Variants in COPG2 observed in about 807,000 individuals in gnomAD.
COPG2 encodes coat protein complex I subunit gamma 2.
In COPG2, 37 loss-of-function variants were observed where a neutral mutation model predicts 46.3. That is an observed-to-expected ratio of 0.80 (90% CI 0.61 to 1.05). The LOEUF (loss-of-function observed/expected upper bound fraction) is 1.05. Ranked by LOEUF, COPG2 falls within the 50% of genes least tolerant of loss-of-function variation. The pLI is 0.00. For synonymous variants in COPG2, 159 were observed against 129.7 expected (o/e 1.23, Z -1.53); for missense variants, 427 against 387.8 (o/e 1.10, Z -0.85).
chr7:130,511,042 A>G, intron 20 of COPG2: 1 of 509,870 alleles, frequency 2.0e-6, no homozygotes, highest in South Asian at 1.4e-5. Context: ...CACTAAGGAG[A>G]TTTGTATGAA....
At chr7:130,664,250 A>T (rs1796032582) in intron 3 of COPG2, among the ~76,000 whole-genome samples, 1 of 152,226 alleles carries the variant, frequency 6.6e-6, no homozygotes, top group South Asian at 2.1e-4. Flanking sequence ...ATTCCACATA[A>T]AATATAACTA....
At chr7:130,648,378 C>T (rs1795661458) in intron 5 of COPG2, among the ~76,000 whole-genome samples, 1 of 152,064 alleles carries the variant, frequency 6.6e-6, no homozygotes. Flanking sequence ...ATTCATTCAC[C>T]CCCTTCCAAG....
In COPG2 at chr7:130,666,851, G is replaced by A; in HGVS notation, c.169C>T (p.Gln57Ter). ...TGAGGAAAATAAAAATAATATACCT[G>A]GTTCAGTAAGTAAAGAATCTTTGTA... Reference protein sequence around the residue: ...ILTKILYLLNQGEHFGTTEAT... With the variant: ...ILTKILYLLN The change falls in exon 3 of 24, where the codon CAG (glutamine) becomes TAG (stop). Residue 57 changes from glutamine (Q) to a stop codon, truncating the protein, a stop_gained and splice_region_variant. Coordinates refer to ENST00000425248, the MANE Select transcript of COPG2 (RefSeq NM_012133.6). LOFTEE classifies it high-confidence loss of function. The A allele has an allele frequency of 1.4e-6, 2 of 1,406,828 alleles. No homozygotes were observed. Among genetic ancestry groups the A allele is most frequent in the Non-Finnish European group, 2.0e-6 (2 of 1,006,176 alleles). 87.1% of individuals were successfully genotyped at this position (1,406,828 alleles called of 1,614,324 possible). A position where few individuals can be genotyped will look rare whatever the true frequency, so the allele number is the denominator to read the frequency against.
chr7:130,593,649 A>C (rs553096953), intron 9 of COPG2, among the ~76,000 whole-genome samples: 17 of 152,352 alleles, frequency 1.1e-4, no homozygotes, highest in African/African-American at 3.8e-4. Context: ...TAACAAAGCT[A>C]ATATTGCACA....
chr7:130,658,042 G>C (rs528467810), intron 4 of COPG2, among the ~76,000 whole-genome samples: 13 of 152,072 alleles, frequency 8.5e-5, no homozygotes, highest in African/African-American at 2.9e-4. Flanking sequence ...CCACTCCCAG[G>C]CATTTATCCA....
Position 130,617,020 on chromosome 7 carries a change from C to T in COPG2, c.369G>A (p.Pro123=), listed in dbSNP as rs781891963. ...MTGKEDVYRG[P]AIRALCRITD... ...TGATCCTGCAGAGAGCTCTGATGGC[C>T]GGGCCTCGGTATACATCTTCTTTTC... Residue 123 remains proline, a synonymous_variant, in exon 6 of 24, where the codon CCG becomes CCA. Transcript: ENST00000425248. The T allele has an allele frequency of 2.4e-5, 39 of 1,611,098 alleles. No homozygotes were observed. The highest frequency in any genetic ancestry group is 1.8e-4 in the East Asian group (8 of 44,726).
At chr7:130,541,329 C>G (rs1299590398) in intron 20 of COPG2, among the ~76,000 whole-genome samples, 1 of 151,696 alleles carries the variant, frequency 6.6e-6, no homozygotes, top group African/African-American at 2.4e-5. Context: ...AGCAGGGGAT[C>G]TGTTGTCACG....
chr7:130,595,974 C>G (rs1188938131), intron 9 of COPG2, among the ~76,000 whole-genome samples: 1 of 152,222 alleles, frequency 6.6e-6, no homozygotes, highest in Non-Finnish European at 1.5e-5. Context: ...CCTGACTCCC[C>G]TCAGCCGTAG....
intron 4 of COPG2, among the ~76,000 whole-genome samples, chr7:130,656,901 C>T (rs1554459993): frequency 6.6e-6 from 1 of 150,976 alleles, no homozygotes; most frequent in African/African-American, 2.4e-5. Flanking sequence ...AATGCAAGCC[C>T]CACCAAAGTT....
intron 9 of COPG2, among the ~76,000 whole-genome samples, chr7:130,577,999 G>C (rs1295898608): frequency 6.6e-6 from 1 of 152,244 alleles, no homozygotes; most frequent in African/African-American, 2.4e-5. Context: ...GCCCACCACA[G>C]CTCAAGGAGG....
At chr7:130,576,006 A>G (rs1554446182) in intron 9 of COPG2, among the ~76,000 whole-genome samples, 2 of 152,262 alleles carry the variant, frequency 1.3e-5, no homozygotes, top group Admixed American at 6.5e-5. Context: ...GCCCTTGTCC[A>G]ACAGGAAAAT....
At position 130,537,941 on chromosome 7, in the gene COPG2, A is replaced by G. The variant is rs891448803; in HGVS notation, c.2149+9733T>C. Among the ~76,000 whole-genome samples, 256 of 150,026 alleles carry G rather than the reference A, an allele frequency of 1.7e-3. 6 individuals are homozygous for G. In the South Asian group the frequency reaches 0.035, roughly 20 times the overall value. On this transcript the variant is annotated intron_variant, in intron 20 of 23. Transcript: ENST00000425248. ...CAATAAAGGGCATGGCGAGACGATG[A>G]AAGGCCAGAGGACACAACAGAGAGA...
chr7:130,663,730 C>CT lies in COPG2; in HGVS notation c.172-693dup, dbSNP rs71178602. ...AAGCCTGAGATTTTGCATTTCTTTT[C>CT]TTTTTTTTTTTTTTTTTTTTTTTTT... On this transcript the variant is annotated intron_variant, in intron 3 of 23. Coordinates refer to ENST00000425248, the MANE Select transcript of COPG2 (RefSeq NM_012133.6). 7.6e-3 allele frequency among the ~76,000 whole-genome samples: 513 copies of CT among 67,168 alleles called. 42 individuals are homozygous for CT. The highest frequency in any genetic ancestry group is 0.014 in the African/African-American group (226 of 16,608). The allele number at this position is 67,168 out of a possible 152,430, so 44.1% of individuals were successfully genotyped here.
At chr7:130,624,401 G>A (rs192876253) in intron 5 of COPG2, among the ~76,000 whole-genome samples, 2 of 152,194 alleles carry the variant, frequency 1.3e-5, no homozygotes, top group East Asian at 1.9e-4. Flanking sequence ...CTGTTTCTAT[G>A]AAGACTATTG....
chr7:130,655,921 A>T (rs6962200), intron 4 of COPG2, among the ~76,000 whole-genome samples: 95,197 of 152,060 alleles, frequency 0.63, 33,137 homozygotes, highest in Non-Finnish European at 0.78. Flanking sequence ...ATAAATGGCA[A>T]TTTATCTAGT....
intron 20 of COPG2, among the ~76,000 whole-genome samples, chr7:130,527,104 C>T (rs1799782031): frequency 6.7e-6 from 1 of 149,148 alleles, no homozygotes; most frequent in Admixed American, 6.8e-5. Context: ...GGTGGAAGTT[C>T]AAAGTAAAGA....
At chr7:130,512,881 T>C (rs1197337870) in intron 20 of COPG2, among the ~76,000 whole-genome samples, 4 of 152,084 alleles carry the variant, frequency 2.6e-5, no homozygotes, top group Non-Finnish European at 4.4e-5. Flanking sequence ...GTGACAGACA[T>C]TTCCTAGGGA....
intron 20 of COPG2, among the ~76,000 whole-genome samples, chr7:130,536,110 G>A (rs1799877168): frequency 6.6e-6 from 1 of 152,078 alleles, no homozygotes; most frequent in African/African-American, 2.4e-5. Flanking sequence ...GGCATAAAGG[G>A]TGGGGTGTGG....
At chr7:130,541,161 T>G (rs916735604) in intron 20 of COPG2, among the ~76,000 whole-genome samples, 1 of 152,164 alleles carries the variant, frequency 6.6e-6, no homozygotes, top group Non-Finnish European at 1.5e-5. Context: ...AGGACAAAGA[T>G]GACAGCGAGC....
Sources: allele counts gnomAD v4.1 joint callset (sites outside exome capture counted in the v4.1 genomes callset), GRCh38; gene constraint gnomAD v4.1.1; transcripts MANE v1.5; gene names NCBI Gene and HGNC (gene_info 2026-07-23, HGNC 2026-07-21).